RAB3GAP2: variants seen among roughly 807,000 people sequenced by gnomAD.
RAB3GAP2 encodes RAB3 GTPase activating non-catalytic protein subunit 2.
A neutral mutation model predicts 185.3 loss-of-function variants in RAB3GAP2; 87 were observed. That is an observed-to-expected ratio of 0.47 (90% CI 0.39 to 0.56). RAB3GAP2 has a LOEUF of 0.56. RAB3GAP2 is among the 20% of genes least tolerant of loss of function. RAB3GAP2 has a pLI of 0.00. For missense variants in RAB3GAP2, 1,492 were observed against 1,638.2 expected (o/e 0.91, Z 1.54); for synonymous variants, 554 against 576.1 (o/e 0.96, Z 0.55).
rs1300654067 is a variant in RAB3GAP2, at chr1:220,148,536, C to T, written c.*2715G>A. 3 of 152,098 alleles carry T rather than the reference C, an allele frequency of 2.0e-5. No homozygotes were observed. The highest frequency in any genetic ancestry group is 4.4e-5 in the Non-Finnish European group (3 of 68,004). 9.4% of individuals were successfully genotyped at this position (152,098 alleles called of 1,614,324 possible). On this transcript the variant is annotated 3_prime_UTR_variant, in exon 35 of 35. Coordinates refer to ENST00000358951, the MANE Select transcript of RAB3GAP2 (RefSeq NM_012414.4). ...GGGTGAGAGAGGGCTTTTGCTGTTG[C>T]TATAGTGTACTGTAAAAATATTTGT...
intron 6 of RAB3GAP2, 140 bp from the exon 7 acceptor site, chr1:220,210,629 C>A: frequency 1.0e-6 from 1 of 959,374 alleles, no homozygotes; most frequent in East Asian, 2.5e-5. Context: ...AGCTCCTCTT[C>A]TCTGTATCTT....
intron 31 of RAB3GAP2, among the ~76,000 whole-genome samples, chr1:220,155,725 T>G (rs1657844789): frequency 6.6e-6 from 1 of 152,186 alleles, no homozygotes; most frequent in Non-Finnish European, 1.5e-5. Flanking sequence ...ACTAGCTCTC[T>G]GCAGATGAGT....
At position 220,190,371 on chromosome 1, in the gene RAB3GAP2, C is replaced by G. The variant is rs780059285; in HGVS notation, c.1631+6G>C. 6.2e-7 allele frequency: 1 copy of G among 1,614,076 alleles called. No individual in the cohort carries two copies. The highest frequency in any genetic ancestry group is 8.5e-7 in the Non-Finnish European group (1 of 1,179,974). The stretch of plus-strand genomic sequence containing the variant: ...GCGTCAATCAGCAACACTGGACACA[C>G]CTTACCTCAGTGCTAAATGGAAGGG... On this transcript the variant is annotated splice_donor_region_variant and intron_variant, in intron 15 of 34. Coordinates refer to ENST00000358951, the MANE Select transcript of RAB3GAP2 (RefSeq NM_012414.4).
chr1:220,162,971 C>T (rs553866503), intron 27 of RAB3GAP2, among the ~76,000 whole-genome samples: 1 of 152,068 alleles, frequency 6.6e-6, no homozygotes, highest in South Asian at 2.1e-4. Context: ...TGGCCAGAAC[C>T]CATCCCTATG....
intron 24 of RAB3GAP2, among the ~76,000 whole-genome samples, chr1:220,168,743 G>A (rs1368060388): frequency 6.6e-6 from 1 of 152,134 alleles, no homozygotes; most frequent in Non-Finnish European, 1.5e-5. Flanking sequence ...AAATATTTAT[G>A]GGCCTAATTT....
At chr1:220,250,920 A>T (rs965723609) in intron 1 of RAB3GAP2, among the ~76,000 whole-genome samples, 8 of 152,186 alleles carry the variant, frequency 5.3e-5, no homozygotes, top group African/African-American at 1.9e-4. Flanking sequence ...GAGTGAGTCA[A>T]TTAAACCTCT....
chr1:220,153,184 C>A lies in RAB3GAP2; in HGVS notation c.3867+1G>T. 6.3e-7 allele frequency: 1 copy of A among 1,599,540 alleles called. No homozygotes were observed. The highest frequency in any genetic ancestry group is 8.6e-7 in the Non-Finnish European group (1 of 1,166,788). Reference sequence around the variant, plus strand: ...ATTAACATTCAAAGGGTCATGATTACCTCTTCTCCTAAGTGGTCAACTCCA... The same window carrying A: ...ATTAACATTCAAAGGGTCATGATTAACTCTTCTCCTAAGTGGTCAACTCCA... On this transcript the variant is annotated splice_donor_variant, in intron 33 of 34. Coordinates refer to ENST00000358951, the MANE Select transcript of RAB3GAP2 (RefSeq NM_012414.4). LOFTEE classifies it high-confidence loss of function.
intron 26 of RAB3GAP2, 30 bp from the exon 27 acceptor site, chr1:220,164,829 G>T (rs1242106554): frequency 6.3e-7 from 1 of 1,585,344 alleles, no homozygotes; most frequent in South Asian, 1.1e-5. Flanking sequence ...AAACGAGAAA[G>T]AAAAAGAGGT....
chr1:220,153,081 T>C (rs1657792625), intron 33 of RAB3GAP2, 104 bp downstream of exon 33: 2 of 864,366 alleles, frequency 2.3e-6, no homozygotes, highest in Middle Eastern at 3.3e-4. Context: ...GATGTTCTAA[T>C]AAAAGGAAGA....
chr1:220,265,056 C>T (rs1001916636), intron 1 of RAB3GAP2, among the ~76,000 whole-genome samples: 1 of 152,028 alleles, frequency 6.6e-6, no homozygotes, highest in Non-Finnish European at 1.5e-5. Context: ...TCTGTATGAT[C>T]CTCTTCCAAT....
chr1:220,235,175 T>A (rs1325826589), intron 1 of RAB3GAP2, among the ~76,000 whole-genome samples: 5 of 152,202 alleles, frequency 3.3e-5, no homozygotes, highest in Non-Finnish European at 2.9e-5. Flanking sequence ...AGGCCAAAAG[T>A]AAGAAGGTTC....
At chr1:220,230,109 G>A (rs542062272) in intron 2 of RAB3GAP2, among the ~76,000 whole-genome samples, 115 of 152,060 alleles carry the variant, frequency 7.6e-4, no homozygotes, top group African/African-American at 1.6e-3. Flanking sequence ...TTGCCATAGC[G>A]AATTAAACTG....
chr1:220,211,423 T>C, intron 4 of RAB3GAP2: 1 of 460,506 alleles, frequency 2.2e-6, no homozygotes, highest in Admixed American at 2.4e-5. Flanking sequence ...GCTGGGCAAA[T>C]GGTTGAGGAA....
intron 1 of RAB3GAP2, among the ~76,000 whole-genome samples, chr1:220,268,920 TTTAAA>T (rs1330528967): frequency 4.6e-5 from 7 of 152,202 alleles, no homozygotes; most frequent in Admixed American, 4.6e-4. Context: ...GCTACTTAAA[TTTAAA>T]TTAATTAAAA....
In RAB3GAP2 at chr1:220,162,365, C is replaced by A. The variant is rs530838461; in HGVS notation, c.3155-97G>T. 1.8e-4 allele frequency: 145 copies of A among 801,778 alleles called. No homozygotes were observed. In the East Asian group the frequency reaches 3.4e-3, roughly 19 times the overall value. The allele number at this position is 801,778 out of a possible 1,614,324, so 49.7% of individuals were successfully genotyped here. ...TCTTAAGCTTATTAAACTATATAGA[C>A]TATTTTGATTTCATTTTTTATATCT... On this transcript the variant is annotated intron_variant, in intron 27 of 34. Coordinates refer to ENST00000358951, the MANE Select transcript of RAB3GAP2 (RefSeq NM_012414.4).
intron 27 of RAB3GAP2, 100 bp from the exon 28 acceptor site, chr1:220,162,368 T>C: frequency 2.6e-6 from 2 of 781,954 alleles, no homozygotes; most frequent in Non-Finnish European, 4.3e-6. Context: ...ATATAGACTA[T>C]TTTGATTTCA....
intron 1 of RAB3GAP2, among the ~76,000 whole-genome samples, chr1:220,236,053 A>G (rs1263231398): frequency 6.6e-6 from 1 of 152,224 alleles, no homozygotes; most frequent in Non-Finnish European, 1.5e-5. Context: ...TATTTTTTGT[A>G]GGTTGCTCTA....
chr1:220,185,674 A>G lies in RAB3GAP2; in HGVS notation c.1847T>C (p.Leu616Ser), dbSNP rs1402270842. 3 of 1,611,762 alleles carry G rather than the reference A, an allele frequency of 1.9e-6. No individual in the cohort carries two copies. Among genetic ancestry groups the G allele is most frequent in the Non-Finnish European group, 1.7e-6 (2 of 1,178,160 alleles). ...ACCTTGACTTTTTAAAGTGTCCATT[A>G]AAGTCTGAGTGATGTTTCTAAGGCA... ...FSCLRNITQT[L>S]MDTLKSQELE... Residue 616 changes from leucine to serine, a missense_variant, in exon 18 of 35, where the codon TTA becomes TCA. Leu to Ser is a moderately radical substitution (Grantham distance 145, BLOSUM62 -2). Around this residue, in one of 5 missense-constraint regions of RAB3GAP2, gnomAD observed 681 missense variants for 689.1 expected, o/e 0.99. Transcript: ENST00000358951.
chr1:220,165,912 T>A (rs1221345047), intron 26 of RAB3GAP2, among the ~76,000 whole-genome samples: 1 of 152,238 alleles, frequency 6.6e-6, no homozygotes, highest in Non-Finnish European at 1.5e-5. Context: ...GCAAGCTGCC[T>A]TTGGTTTATA....
Sources: gnomAD v4.1 joint callset for allele counts (sites outside exome capture counted in the v4.1 genomes callset) on GRCh38, gnomAD v4.1.1 for gene constraint, gnomAD v4.1.1 regional missense constraint, MANE v1.5 for transcripts, NCBI Gene and HGNC (gene_info 2026-07-23, HGNC 2026-07-21) for gene names.